Variants in CSNK2A1 observed in about 807,000 individuals in gnomAD.
CSNK2A1 encodes the protein casein kinase 2 alpha 1, also known as casein kinase II subunit alpha.
In CSNK2A1, 10 loss-of-function variants were observed where a neutral mutation model predicts 62.9. The ratio of observed to expected loss-of-function variants is 0.16; its 90% CI spans 0.10 to 0.27. CSNK2A1 has a LOEUF of 0.27. Among genes scored for constraint, CSNK2A1 ranks in the 10% least tolerant of loss-of-function variants. The pLI is 1.00. For synonymous variants in CSNK2A1, 124 were observed against 167.8 expected, an observed-to-expected ratio of 0.74 and a Z score of 2.02; for missense variants, 160 against 492.0, an observed-to-expected ratio of 0.33 and a Z score of 6.38.
intron 1 of CSNK2A1, among the ~76,000 whole-genome samples, chr20:540,465 G>C (rs1334969583): frequency 6.6e-6 from 1 of 152,158 alleles, no homozygotes; most frequent in Non-Finnish European, 1.5e-5. Flanking sequence ...TTTCCAATAA[G>C]AAAGACCTCA....
intron 13 of CSNK2A1, among the ~76,000 whole-genome samples, chr20:485,693 G>A (rs959068233): frequency 6.6e-6 from 1 of 152,164 alleles, no homozygotes; most frequent in Non-Finnish European, 1.5e-5. Context: ...CTGTACAGAG[G>A]TAGGATACTC....
Position 499,819 on chromosome 20 carries a change from C to G in CSNK2A1, c.315+14G>C. On this transcript the variant is annotated intron_variant, in intron 5 of 13. Coordinates refer to ENST00000217244, the MANE Select transcript of CSNK2A1 (RefSeq NM_177559.3). This position sits in a 1 kb window ranked among gnomAD's most constrained non-coding sequence, Gnocchi z 4.2. ...TCAGCTCTGGCGGGCCTTGCTAACA[C>G]CTACTATACTCACCACAGGGTCTTT... 1.2e-6 allele frequency: 2 copies of G among 1,612,706 alleles called. No individual in the cohort carries two copies. Among genetic ancestry groups the G allele is most frequent in the South Asian group, 2.2e-5 (2 of 90,902 alleles).
rs557664745 is a variant in CSNK2A1, at chr20:485,956, G to T, written c.1060+420C>A. Among the ~76,000 whole-genome samples, 25 of 152,214 alleles carry T rather than the reference G, an allele frequency of 1.6e-4. 1 individual carries two copies. Among genetic ancestry groups the T allele is most frequent in the African/African-American group, 6.0e-4 (25 of 41,522 alleles). ...TTACTTATGTTTTTACAACTGATAG[G>T]CACTCTATAGTTGCTCTGGCACATG... On this transcript the variant is annotated intron_variant, in intron 13 of 13. Coordinates refer to ENST00000217244, the MANE Select transcript of CSNK2A1 (RefSeq NM_177559.3).
chr20:514,715 T>C lies in CSNK2A1; in HGVS notation c.-109-6055A>G, dbSNP rs550660418. On this transcript the variant is annotated intron_variant, in intron 2 of 13. Transcript: ENST00000217244. ...CCTCAGCCTCCCGAAGTGCTGAGAT[T>C]ACAGGTGTGAGCCACCATGCCCAAC... Among the ~76,000 whole-genome samples, 6 of 152,338 alleles carry C rather than the reference T, an allele frequency of 3.9e-5. No individual in the cohort carries two copies. In the East Asian group the frequency reaches 9.7e-4, roughly 25 times the overall value.
intron 7 of CSNK2A1, chr20:496,056 T>C (rs2018340940): frequency 2.4e-6 from 1 of 409,742 alleles, no homozygotes; most frequent in African/African-American, 2.0e-5. Flanking sequence ...AGACCCAAAG[T>C]ATACCCAAAT....
chr20:513,466 C>G (rs1349702025), intron 2 of CSNK2A1, among the ~76,000 whole-genome samples: 3 of 152,176 alleles, frequency 2.0e-5, no homozygotes, highest in Non-Finnish European at 4.4e-5. Flanking sequence ...TAAGCAGAAA[C>G]CTATCTTTAC....
At chr20:488,363 T>G in intron 11 of CSNK2A1, 3 of 245,752 alleles carry the variant, frequency 1.2e-5, no homozygotes, top group South Asian at 5.7e-5. Flanking sequence ...TGGAGAGAGG[T>G]TTTTCACTTA....
rs1172782502 is a variant in CSNK2A1 at position 480,521 on chromosome 20, A to G, written c.*3440T>C. ...TGGGGAGATACAAAATAATACAACA[A>G]AAGTTCAGGTGTTCTGAGGAAAAAG... On this transcript the variant is annotated 3_prime_UTR_variant, in exon 14 of 14. Transcript: ENST00000217244. 6.6e-6 allele frequency: 1 copy of G among 152,192 alleles called. No homozygotes were observed. Among genetic ancestry groups the G allele is most frequent in the Non-Finnish European group, 1.5e-5 (1 of 68,038 alleles). The allele number at this position is 152,192 out of a possible 1,614,324, so 9.4% of individuals were successfully genotyped here.
chr20:541,036 G>A (rs1363301437), intron 1 of CSNK2A1: 2 of 152,114 alleles, frequency 1.3e-5, no homozygotes, highest in African/African-American at 4.8e-5. Flanking sequence ...TGTCAGCCAG[G>A]GACTGGTCTT....
At position 515,754 on chromosome 20, in the gene CSNK2A1, G is replaced by A. The variant is rs540245193; in HGVS notation, c.-109-7094C>T. Among the ~76,000 whole-genome samples, 324 of 152,280 alleles carry A rather than the reference G, an allele frequency of 2.1e-3. 2 individuals carry two copies. The highest frequency in any genetic ancestry group is 3.4e-3 in the Middle Eastern group (1 of 294). ...GCCTAAGGCTTGCATTTTGTAGCAC[G>A]TTCAGTAAACACTATTTGGTGATCA... On this transcript the variant is annotated intron_variant, in intron 2 of 13. Coordinates refer to ENST00000217244, the MANE Select transcript of CSNK2A1 (RefSeq NM_177559.3).
At chr20:509,884 C>T (rs1415517542) in intron 2 of CSNK2A1, among the ~76,000 whole-genome samples, 1 of 152,086 alleles carries the variant, frequency 6.6e-6, no homozygotes, top group Non-Finnish European at 1.5e-5. Flanking sequence ...GCCATAACTT[C>T]AATTCAATTA....
At chr20:515,443 T>C (rs116963915) in intron 2 of CSNK2A1, among the ~76,000 whole-genome samples, 1,617 of 152,332 alleles carry the variant, frequency 0.011, 16 homozygotes, top group Non-Finnish European at 0.013. Flanking sequence ...ATCTAACTCT[T>C]CCAACAACTC....
chr20:489,473 G>T (rs1255381621), intron 10 of CSNK2A1: 2 of 389,114 alleles, frequency 5.1e-6, no homozygotes, highest in Non-Finnish European at 9.1e-6. Context: ...ACCACATATG[G>T]GCTCACATAT....
chr20:531,567 T>C (rs982029913), intron 1 of CSNK2A1, among the ~76,000 whole-genome samples: 4 of 151,882 alleles, frequency 2.6e-5, no homozygotes, highest in Admixed American at 6.6e-5. Context: ...AGCATGTACA[T>C]GTACATTTTT....
intron 1 of CSNK2A1, among the ~76,000 whole-genome samples, chr20:541,614 A>C (rs1168094596): frequency 6.6e-6 from 1 of 152,202 alleles, no homozygotes; most frequent in East Asian, 1.9e-4. Flanking sequence ...CAGTATGGAA[A>C]AGGAGTTGCC....
rs1476745816 is a variant in CSNK2A1 at position 482,001 on chromosome 20, T to C, written c.*1960A>G. The C allele has an allele frequency of 6.6e-6, 1 of 152,164 alleles. No individual in the cohort carries two copies. The highest frequency in any genetic ancestry group is 1.5e-5 in the Non-Finnish European group (1 of 68,034). The allele number at this position is 152,164 out of a possible 1,614,324, so 9.4% of individuals were successfully genotyped here. On this transcript the variant is annotated 3_prime_UTR_variant, in exon 14 of 14. Coordinates refer to ENST00000217244, the MANE Select transcript of CSNK2A1 (RefSeq NM_177559.3). ...AGTCAGAATGTTTTCCCTTCAGCTC[T>C]CCCTACCGTTGAGAAGCGCTATAAA...
At chr20:490,549 G>T (rs1403290548) in intron 9 of CSNK2A1, among the ~76,000 whole-genome samples, 1 of 147,622 alleles carries the variant, frequency 6.8e-6, no homozygotes. Flanking sequence ...GATTACAAGC[G>T]CCCACCACCG....
intron 2 of CSNK2A1, among the ~76,000 whole-genome samples, chr20:520,585 C>T (rs536669076): frequency 3.3e-5 from 5 of 152,172 alleles, no homozygotes; most frequent in East Asian, 1.9e-4. Context: ...CTGCAACCTC[C>T]GCCTCCTGGG....
At chr20:503,382 T>C (rs2018509437) in intron 4 of CSNK2A1, 1 of 397,854 alleles carries the variant, frequency 2.5e-6, no homozygotes. Context: ...CCCACATGTT[T>C]TGATTTCCAA....
Sources: gnomAD v4.1 joint callset for allele counts (sites outside exome capture counted in the v4.1 genomes callset) on GRCh38, gnomAD v4.1.1 for gene constraint, Gnocchi (gnomAD v3.1) non-coding constraint, MANE v1.5 for transcripts, NCBI Gene and HGNC (gene_info 2026-07-23, HGNC 2026-07-21) for gene names.